Variants in ZNF385C observed in about 807,000 individuals in gnomAD.
ZNF385C encodes the protein zinc finger protein 385C.
Under a neutral mutation model 35.4 loss-of-function variants are expected in ZNF385C, and 28 were observed. That is an observed-to-expected ratio of 0.79 (90% CI 0.59 to 1.08). The LOEUF is 1.08. Among genes scored for constraint, ZNF385C ranks in the 50% least tolerant of loss-of-function variants. The pLI is 0.00. For synonymous variants in ZNF385C, 248 were observed against 248.2 expected, an observed-to-expected ratio of 1.00 and a Z score of 0.01; for missense variants, 605 against 595.6, an observed-to-expected ratio of 1.02 and a Z score of -0.16.
intron 1 of ZNF385C, among the ~76,000 whole-genome samples, chr17:42,074,680 C>T (rs1426083627): frequency 2.6e-5 from 4 of 152,294 alleles, no homozygotes; most frequent in African/African-American, 7.2e-5. Flanking sequence ...TGAGCCACCG[C>T]GCCCGGCCAA....
chr17:42,026,767 T>A lies in ZNF385C; in HGVS notation c.*130A>T, dbSNP rs2052586420. On this transcript the variant is annotated 3_prime_UTR_variant, in exon 9 of 9. Transcript: ENST00000692273. ...CAGCTGCCCTTAAAACTAGCCCAGC[T>A]CTTTCTGGATCGGGCAGGACCCCTG... is the stretch of plus-strand genomic sequence containing the variant. 1 of 921,266 alleles carries A rather than the reference T, an allele frequency of 1.1e-6. No individual in the cohort carries two copies. Among genetic ancestry groups the A allele is most frequent in the Admixed American group, 2.1e-5 (1 of 48,744 alleles). 57.1% of individuals were successfully genotyped at this position (921,266 alleles called of 1,614,324 possible). A position where few individuals can be genotyped will look rare whatever the true frequency, so the allele number is the denominator to read the frequency against.
chr17:42,041,170 A>G, intron 2 of ZNF385C: 1 of 1,232,482 alleles, frequency 8.1e-7, no homozygotes, highest in East Asian at 3.2e-5. Flanking sequence ...CTCTGTGTGC[A>G]AGACACTGGC....
At chr17:42,064,271 C>T (rs2053515699) in intron 1 of ZNF385C, among the ~76,000 whole-genome samples, 2 of 152,192 alleles carry the variant, frequency 1.3e-5, no homozygotes, top group African/African-American at 4.8e-5. Context: ...TGAATTTTGC[C>T]TTCTCTCGGA....
At chr17:42,040,567 G>A (rs1437089860) in intron 2 of ZNF385C, 7 of 1,232,758 alleles carry the variant, frequency 5.7e-6, no homozygotes, top group African/African-American at 4.7e-5. Context: ...CAGGGCCAGG[G>A]CCAGTGACCC....
chr17:42,063,339 A>C (rs2053493802), intron 1 of ZNF385C, among the ~76,000 whole-genome samples: 2 of 151,768 alleles, frequency 1.3e-5, no homozygotes, highest in Admixed American at 6.6e-5. Flanking sequence ...CACCAGCCTG[A>C]CCAACATGGT....
intron 2 of ZNF385C, among the ~76,000 whole-genome samples, chr17:42,046,335 G>A (rs1290846828): frequency 2.6e-5 from 4 of 152,192 alleles, no homozygotes; most frequent in Admixed American, 2.0e-4. Context: ...GCTCACACCT[G>A]TAATCTCAGC....
intron 1 of ZNF385C, among the ~76,000 whole-genome samples, chr17:42,078,048 C>A (rs2053703536): frequency 6.6e-6 from 1 of 152,228 alleles, no homozygotes; most frequent in Non-Finnish European, 1.5e-5. Context: ...GAAACCGGGA[C>A]AGTTGTCCTT....
chr17:42,060,336 CA>C (rs1159581562), intron 2 of ZNF385C, among the ~76,000 whole-genome samples: 5 of 152,218 alleles, frequency 3.3e-5, no homozygotes, highest in Non-Finnish European at 7.3e-5. Context: ...CACCTAAAAA[CA>C]CTAACTGCTC....
At chr17:42,093,833 C>T (rs1280847208) in intron 1 of ZNF385C, among the ~76,000 whole-genome samples, 1 of 152,034 alleles carries the variant, frequency 6.6e-6, no homozygotes, top group Non-Finnish European at 1.5e-5. Flanking sequence ...AATCCACCCA[C>T]CTTGGCCTCC....
chr17:42,057,519 T>C (rs1439912843), intron 2 of ZNF385C, among the ~76,000 whole-genome samples: 22 of 150,336 alleles, frequency 1.5e-4, no homozygotes, highest in African/African-American at 3.5e-4. Flanking sequence ...CGCGCGTGTG[T>C]GTGTGTGTGT....
rs574420419 is a variant in ZNF385C at position 42,080,678 on chromosome 17, G to A, written c.-2-17620C>T. 1.0e-3 allele frequency among the ~76,000 whole-genome samples: 158 copies of A among 152,322 alleles called. 1 individual carries two copies. In the South Asian group the frequency reaches 0.031, roughly 30 times the overall value. On this transcript the variant is annotated intron_variant, in intron 1 of 8. Coordinates refer to ENST00000692273, the MANE Select transcript of ZNF385C (RefSeq NM_001392013.1). ...CACATCAAAGTCCTCCTCTCAAATC[G>A]GTCCGGTGGGAGGAGGCACAAAGCC...
intron 1 of ZNF385C, among the ~76,000 whole-genome samples, chr17:42,081,667 C>T (rs982930734): frequency 4.6e-5 from 7 of 152,306 alleles, no homozygotes; most frequent in African/African-American, 1.2e-4. Context: ...TGAGCCACCA[C>T]GCCCAACCTC....
intron 2 of ZNF385C, chr17:42,043,091 GC>G (rs2053064854): frequency 4.9e-6 from 6 of 1,232,136 alleles, no homozygotes; most frequent in Non-Finnish European, 6.1e-6. Flanking sequence ...TCAAAAGGGG[GC>G]TGGCCCTGGT....
chr17:42,035,192 T>G (rs1555655323), intron 3 of ZNF385C, among the ~76,000 whole-genome samples: 1 of 149,464 alleles, frequency 6.7e-6, no homozygotes. Context: ...ATACACAGCC[T>G]CTCCCGGCTG....
Position 42,041,075 on chromosome 17 carries a change from G to A in ZNF385C, c.251-3190C>T, listed in dbSNP as rs568685131. 3.2e-6 allele frequency: 4 copies of A among 1,232,382 alleles called. No individual in the cohort carries two copies. In the African/African-American group the frequency reaches 6.2e-5, roughly 19 times the overall value. The allele number at this position is 1,232,382 out of a possible 1,614,324, so 76.3% of individuals were successfully genotyped here. On this transcript the variant is annotated intron_variant, in intron 2 of 8. Coordinates refer to ENST00000692273, the MANE Select transcript of ZNF385C (RefSeq NM_001392013.1). ...CAGGGGGACACTGAAGTGGCAAACA[G>A]GGCCAGGCTGTGTGACTCCGGCCAG... is the stretch of plus-strand genomic sequence containing the variant.
intron 2 of ZNF385C, chr17:42,043,031 C>T: frequency 8.1e-7 from 1 of 1,232,348 alleles, no homozygotes; most frequent in Non-Finnish European, 1.0e-6. Flanking sequence ...CCCCTGGAGG[C>T]AGGGGTCGTA....
intron 2 of ZNF385C, among the ~76,000 whole-genome samples, chr17:42,058,920 GTGT>G (rs1340903436): frequency 6.6e-6 from 1 of 152,230 alleles, no homozygotes; most frequent in African/African-American, 2.4e-5. Flanking sequence ...GCCTCCCAAA[GTGT>G]TGGGATGACA....
chr17:42,069,518 C>T (rs1165202721), intron 1 of ZNF385C, among the ~76,000 whole-genome samples: 1 of 152,216 alleles, frequency 6.6e-6, no homozygotes, highest in Non-Finnish European at 1.5e-5. Flanking sequence ...GCTGCTTCTC[C>T]TAAAGAGGTA....
chr17:42,076,802 A>G (rs188534608), intron 1 of ZNF385C, among the ~76,000 whole-genome samples: 104 of 152,270 alleles, frequency 6.8e-4, no homozygotes, highest in African/African-American at 2.4e-3. Context: ...CAATATGCCC[A>G]GTAACTTTTT....
Sources: allele counts gnomAD v4.1 joint callset (sites outside exome capture counted in the v4.1 genomes callset), GRCh38; gene constraint gnomAD v4.1.1; transcripts MANE v1.5; gene names NCBI Gene and HGNC (gene_info 2026-07-23, HGNC 2026-07-21).